The following CUX2 variants were observed in gnomAD, a reference collection of about 807,000 sequenced individuals.
CUX2 encodes the protein cut like homeobox 2.
CUX2 carries 40 observed loss-of-function variants against 144.8 expected under a neutral mutation model. The ratio of observed to expected loss-of-function variants is 0.28; its 90% CI spans 0.21 to 0.36. The LOEUF is 0.36. Ranked by LOEUF, CUX2 falls within the 10% of genes least tolerant of loss-of-function variation. The probability of loss-of-function intolerance (pLI) is 1.00; values close to 1 mark genes in which losing one functional copy is unlikely to be tolerated. For missense variants in CUX2, 1,615 were observed against 1,994.0 expected, an observed-to-expected ratio of 0.81 and a Z score of 3.62; for synonymous variants, 827 against 875.6, an observed-to-expected ratio of 0.94 and a Z score of 0.98.
intron 1 of CUX2, among the ~76,000 whole-genome samples, chr12:111,098,198 A>G (rs1872948896): frequency 6.6e-6 from 1 of 152,120 alleles, no homozygotes; most frequent in Non-Finnish European, 1.5e-5. Context: ...TCAGGAGTTC[A>G]AGACTAGGCT....
chr12:111,193,132 G>A (rs1333199750), intron 1 of CUX2, among the ~76,000 whole-genome samples: 1 of 152,172 alleles, frequency 6.6e-6, no homozygotes, highest in African/African-American at 2.4e-5. Context: ...TGTCTTTAAG[G>A]GTTGGTGGTC....
chr12:111,304,293 C>A lies in CUX2; in HGVS notation c.837C>A (p.Cys279Ter). 1 of 1,613,790 alleles carries A rather than the reference C, an allele frequency of 6.2e-7. No individual in the cohort carries two copies. Among genetic ancestry groups the A allele is most frequent in the Non-Finnish European group, 8.5e-7 (1 of 1,179,874 alleles). ...SVNSSIRLAC[C>*]SPQGPSGDKV... Reference sequence around the variant, plus strand: ...ACAGCTCCATCCGCCTGGCTTGCTGCTCTCCCCAGGGGCCCAGTGGGGTAA... The same window carrying A: ...ACAGCTCCATCCGCCTGGCTTGCTGATCTCCCCAGGGGCCCAGTGGGGTAA... The change falls in exon 10 of 22, where the codon TGC becomes TGA. Residue 279 changes from cysteine to a stop codon, truncating the protein, a stop_gained. Transcript: ENST00000261726. LOFTEE classifies it high-confidence loss of function. This position sits in a 1 kb window ranked among gnomAD's most constrained non-coding sequence, Gnocchi z 4.7.
In CUX2 at chr12:111,035,980, T is replaced by C. The variant is rs1164100691; in HGVS notation, c.63+1740T>C. ...CAGAGAGAGAGAGAGAGAGGGAGAA[T>C]TGGGCAGCCACATTGGGCTTGGCAC... On this transcript the variant is annotated intron_variant, in intron 1 of 21. Coordinates refer to ENST00000261726, the MANE Select transcript of CUX2 (RefSeq NM_015267.4). This position sits in a 1 kb window ranked among gnomAD's most constrained non-coding sequence, Gnocchi z 6.0. 2.0e-5 allele frequency among the ~76,000 whole-genome samples: 3 copies of C among 151,780 alleles called. No individual in the cohort carries two copies. Among genetic ancestry groups the C allele is most frequent in the Non-Finnish European group, 2.9e-5 (2 of 67,950 alleles).
At chr12:111,164,880 C>T (rs74609289) in intron 1 of CUX2, among the ~76,000 whole-genome samples, 5,684 of 152,268 alleles carry the variant, frequency 0.037, 153 homozygotes, top group Middle Eastern at 0.075. Context: ...CCTGTACCCC[C>T]TGTAGCAGAA....
chr12:111,036,457 T>G (rs2135997683), intron 1 of CUX2, among the ~76,000 whole-genome samples: 1 of 152,312 alleles, frequency 6.6e-6, no homozygotes, highest in Middle Eastern at 3.4e-3. Flanking sequence ...CACCCAAATC[T>G]TGATTCCAGC....
At chr12:111,109,734 G>A (rs541516589) in intron 1 of CUX2, among the ~76,000 whole-genome samples, 1 of 152,332 alleles carries the variant, frequency 6.6e-6, no homozygotes. Context: ...TGGAGAAGGG[G>A]AAAGGCAATG....
chr12:111,324,759 C>T (rs192938874), intron 18 of CUX2, among the ~76,000 whole-genome samples: 2 of 152,144 alleles, frequency 1.3e-5, no homozygotes, highest in African/African-American at 2.4e-5. Flanking sequence ...CTTGGCCTCC[C>T]AAGGTGCTGG....
chr12:111,053,775 A>G (rs1352234876), intron 1 of CUX2, among the ~76,000 whole-genome samples: 1 of 152,090 alleles, frequency 6.6e-6, no homozygotes. Context: ...CAGACGGTGA[A>G]CTCATTACCA....
Position 111,215,159 on chromosome 12 carries a change from T to C in CUX2, c.174+849T>C, listed in dbSNP as rs914313292. On this transcript the variant is annotated intron_variant, in intron 2 of 21. Transcript: ENST00000261726. ...TCGGCAGAAGGTTAACATCTGTCCTTACCTGCTCAGGTGTGCTGGAGGAAG... is the reference window on the plus strand; with the variant it reads ...TCGGCAGAAGGTTAACATCTGTCCTCACCTGCTCAGGTGTGCTGGAGGAAG... Among the ~76,000 whole-genome samples, 9 of 152,334 alleles carry C rather than the reference T, an allele frequency of 5.9e-5. No individual in the cohort carries two copies. The East Asian group carries it at 1.7e-3, about 29-fold the overall frequency.
intron 3 of CUX2, among the ~76,000 whole-genome samples, chr12:111,220,191 G>T (rs1455192881): frequency 6.6e-6 from 1 of 151,948 alleles, no homozygotes; most frequent in African/African-American, 2.4e-5. Flanking sequence ...GATTGAGGAA[G>T]AACAAAGTTA....
rs899822167 is a variant in CUX2 at position 111,289,444 on chromosome 12, C to T, written c.302-1974C>T. On this transcript the variant is annotated intron_variant, in intron 4 of 21. Transcript: ENST00000261726. The surrounding 1 kb of genome is among the most constrained non-coding windows in gnomAD (Gnocchi z 4.1). ...GATCCAAGCCAGCCTCCAGGGGATG[C>T]CGTGAGGATGCTGGGAAGCCAGTCC... 6.6e-6 allele frequency among the ~76,000 whole-genome samples: 1 copy of T among 152,126 alleles called. No homozygotes were observed. Among genetic ancestry groups the T allele is most frequent in the Non-Finnish European group, 1.5e-5 (1 of 67,998 alleles).
At chr12:111,267,181 G>C (rs1384808922) in intron 4 of CUX2, among the ~76,000 whole-genome samples, 2 of 126,420 alleles carry the variant, frequency 1.6e-5, no homozygotes, top group African/African-American at 3.2e-5. Flanking sequence ...CTGGGTGACA[G>C]AGCAAGACCC....
In CUX2 at chr12:111,061,093, C is replaced by T. The variant is rs1472853226; in HGVS notation, c.63+26853C>T. Among the ~76,000 whole-genome samples, 2 of 151,960 alleles carry T rather than the reference C, an allele frequency of 1.3e-5. No individual in the cohort carries two copies. The highest frequency in any genetic ancestry group is 3.9e-4 in the East Asian group (2 of 5,174). On this transcript the variant is annotated intron_variant, in intron 1 of 21. Transcript: ENST00000261726. This position sits in a 1 kb window ranked among gnomAD's most constrained non-coding sequence, Gnocchi z 4.2. ...TGGGGCTGTTCATGGGAGGCCTCCC[C>T]TCATGGCTGTGGCCCTGCAGAGGCC...
intron 1 of CUX2, among the ~76,000 whole-genome samples, chr12:111,051,256 A>G (rs1870249993): frequency 6.6e-6 from 1 of 152,064 alleles, no homozygotes; most frequent in East Asian, 1.9e-4. Context: ...TTCTTGGTTT[A>G]TAGTGTCGTT....
At position 111,309,741 on chromosome 12, in the gene CUX2, A is replaced by ATCTC. The variant is rs144676885; in HGVS notation, c.1259-285_1259-282dup. Among the ~76,000 whole-genome samples the ATCTC allele has an allele frequency of 2.5e-3, 275 of 111,096 alleles. 3 individuals are homozygous for ATCTC. The highest frequency in any genetic ancestry group is 8.9e-3 in the African/African-American group (255 of 28,704). The allele number at this position is 111,096 out of a possible 152,430, so 72.9% of individuals were successfully genotyped here. ...TTTCACTCTGTCTCTTTGTCTCTTT[A>ATCTC]TCTCTCTCTCTCTCTCTCATGTGGT... is the stretch of plus-strand genomic sequence containing the variant. On this transcript the variant is annotated intron_variant, in intron 14 of 21. Coordinates refer to ENST00000261726, the MANE Select transcript of CUX2 (RefSeq NM_015267.4).
chr12:111,254,750 C>T (rs1883727970), intron 3 of CUX2, among the ~76,000 whole-genome samples: 1 of 152,216 alleles, frequency 6.6e-6, no homozygotes, highest in African/African-American at 2.4e-5. Flanking sequence ...TAGTGACTTA[C>T]ACTTGGGAAT....
rs1878489872 is a variant in CUX2 at position 111,171,056 on chromosome 12, T to C, written c.64-43144T>C. On this transcript the variant is annotated intron_variant, in intron 1 of 21. Coordinates refer to ENST00000261726, the MANE Select transcript of CUX2 (RefSeq NM_015267.4). This position sits in a 1 kb window ranked among gnomAD's most constrained non-coding sequence, Gnocchi z 5.0. Reference sequence around the variant, plus strand: ...GTTCTGGTTGCCCTGGTGATGCCTCTTGGGCTGTGACCCAGAGTGGCGTTG... The same window carrying C: ...GTTCTGGTTGCCCTGGTGATGCCTCCTGGGCTGTGACCCAGAGTGGCGTTG... 6.6e-6 allele frequency among the ~76,000 whole-genome samples: 1 copy of C among 152,154 alleles called. No homozygotes were observed. The highest frequency in any genetic ancestry group is 1.5e-5 in the Non-Finnish European group (1 of 68,032).
At chr12:111,319,470 G>A (rs558021725) in intron 16 of CUX2, among the ~76,000 whole-genome samples, 8 of 152,138 alleles carry the variant, frequency 5.3e-5, no homozygotes, top group Admixed American at 3.9e-4. Flanking sequence ...CGGGCACTGT[G>A]GTTCATGCCT....
At chr12:111,174,885 A>C (rs1460958142) in intron 1 of CUX2, among the ~76,000 whole-genome samples, 1 of 152,236 alleles carries the variant, frequency 6.6e-6, no homozygotes. Flanking sequence ...GAAGTCAAAA[A>C]TGGCCAAATA....
Sources: allele counts gnomAD v4.1 joint callset (sites outside exome capture counted in the v4.1 genomes callset), GRCh38; gene constraint gnomAD v4.1.1; non-coding constraint Gnocchi (gnomAD v3.1); transcripts MANE v1.5; gene names NCBI Gene and HGNC (gene_info 2026-07-23, HGNC 2026-07-21).